Variants in NKAIN3 observed in about 807,000 individuals in gnomAD.
The protein encoded by NKAIN3 is sodium/potassium transporting ATPase interacting 3, also known as sodium/potassium-transporting ATPase subunit beta-1-interacting protein 3.
Under a neutral mutation model 30.2 loss-of-function variants are expected in NKAIN3, and 25 were observed. That is an observed-to-expected ratio of 0.83 (90% CI 0.60 to 1.16). The LOEUF (loss-of-function observed/expected upper bound fraction) is 1.16. Among genes scored for constraint, NKAIN3 ranks in the 50% most tolerant of loss-of-function variants. The pLI, the probability that NKAIN3 is intolerant of heterozygous loss-of-function variation, is 0.00. For synonymous variants in NKAIN3, 91 were observed against 89.6 expected, an observed-to-expected ratio of 1.02 and a Z score of -0.09; for missense variants, 225 against 254.1, an observed-to-expected ratio of 0.89 and a Z score of 0.78.
intron 4 of NKAIN3, among the ~76,000 whole-genome samples, chr8:62,886,166 T>A (rs1475609316): frequency 6.6e-6 from 1 of 152,136 alleles, no homozygotes; most frequent in Non-Finnish European, 1.5e-5. Context: ...TTTAACTTTT[T>A]TTTTTAGTGA....
chr8:62,817,814 C>CT (rs1818730937), intron 4 of NKAIN3, among the ~76,000 whole-genome samples: 1 of 152,122 alleles, frequency 6.6e-6, no homozygotes, highest in African/African-American at 2.4e-5. Flanking sequence ...AAGATTAAAA[C>CT]TTTCACAGCC....
At chr8:62,648,817 G>C (rs932599018) in intron 3 of NKAIN3, among the ~76,000 whole-genome samples, 1 of 152,124 alleles carries the variant, frequency 6.6e-6, no homozygotes, top group South Asian at 2.1e-4. Context: ...CAAGGTGCTG[G>C]GGCTTCTTAT....
intron 5 of NKAIN3, among the ~76,000 whole-genome samples, chr8:62,929,717 T>A (rs1444205009): frequency 6.6e-6 from 1 of 152,138 alleles, no homozygotes; most frequent in Non-Finnish European, 1.5e-5. Context: ...AAACTGTGGT[T>A]TTTTGTTTTT....
At chr8:62,470,765 G>A (rs1806307619) in intron 1 of NKAIN3, among the ~76,000 whole-genome samples, 1 of 151,866 alleles carries the variant, frequency 6.6e-6, no homozygotes, top group Admixed American at 6.6e-5. Context: ...GAAGCAAGCA[G>A]AAAGCCTACT....
chr8:62,250,643 A>T (rs1241453960), intron 1 of NKAIN3, among the ~76,000 whole-genome samples: 1 of 152,174 alleles, frequency 6.6e-6, no homozygotes, highest in East Asian at 1.9e-4. Flanking sequence ...TCTATTTTAC[A>T]TGGAAATAAC....
intron 1 of NKAIN3, among the ~76,000 whole-genome samples, chr8:62,289,927 G>C (rs1813528397): frequency 6.6e-6 from 1 of 152,120 alleles, no homozygotes; most frequent in Non-Finnish European, 1.5e-5. Flanking sequence ...TTGAGCAGTG[G>C]TTTATAGTTC....
rs546448698 is a variant in NKAIN3, at chr8:62,504,455, T to TAATC, written c.55-75082_55-75079dup. Among the ~76,000 whole-genome samples, 22 of 152,310 alleles carry TAATC rather than the reference T, an allele frequency of 1.4e-4. No homozygotes were observed. In the South Asian group the frequency reaches 3.7e-3, roughly 26 times the overall value. ...TTCCTTTAATCATATCATCATCCCATAATCATTTCCTCTTCCTTCTATCCC... is the reference window on the plus strand; with the variant it reads ...TTCCTTTAATCATATCATCATCCCATAATCAATCATTTCCTCTTCCTTCTATCCC... On this transcript the variant is annotated intron_variant, in intron 1 of 6. Transcript: ENST00000623646.
intron 4 of NKAIN3, among the ~76,000 whole-genome samples, chr8:62,870,291 GAT>G (rs1820584018): frequency 3.1e-5 from 1 of 32,304 alleles, no homozygotes; most frequent in Non-Finnish European, 6.3e-5. Flanking sequence ...AATATCTATA[GAT>G]ATATATACAT....
chr8:62,304,438 A>G lies in NKAIN3; in HGVS notation c.54+55311A>G, dbSNP rs1028241085. On this transcript the variant is annotated intron_variant, in intron 1 of 6. Transcript: ENST00000623646. ...TTTCCCCCTTTTAGTATGATTTGTAATCAGCACAAAATTATTATAGACATT... is the reference window on the plus strand; with the variant it reads ...TTTCCCCCTTTTAGTATGATTTGTAGTCAGCACAAAATTATTATAGACATT... 1.3e-5 allele frequency among the ~76,000 whole-genome samples: 2 copies of G among 150,462 alleles called. 1 individual carries two copies. The highest frequency in any genetic ancestry group is 2.9e-5 in the Non-Finnish European group (2 of 67,988).
intron 4 of NKAIN3, among the ~76,000 whole-genome samples, chr8:62,869,742 T>C (rs1586290795): frequency 6.6e-6 from 1 of 151,954 alleles, no homozygotes. Context: ...CAGCCCCGTT[T>C]TTTTTCCTTT....
intron 4 of NKAIN3, among the ~76,000 whole-genome samples, chr8:62,880,600 T>TA (rs746868638): frequency 2.5e-4 from 38 of 152,216 alleles, no homozygotes; most frequent in East Asian, 2.3e-3. Flanking sequence ...CTTTTTCCCT[T>TA]AAAAAAATGG....
chr8:62,359,176 C>T (rs920187882), intron 1 of NKAIN3, among the ~76,000 whole-genome samples: 3 of 152,142 alleles, frequency 2.0e-5, no homozygotes, highest in East Asian at 3.9e-4. Context: ...AGCGAGACTC[C>T]GTATCAAAAT....
At chr8:62,312,825 A>AAAG (rs763776938) in intron 1 of NKAIN3, among the ~76,000 whole-genome samples, 3 of 145,890 alleles carry the variant, frequency 2.1e-5, no homozygotes, top group Non-Finnish European at 4.5e-5. Context: ...CCTTGTCTCA[A>AAAG]AAAAAAAAAA....
chr8:62,851,325 G>A (rs1281174318), intron 4 of NKAIN3, among the ~76,000 whole-genome samples: 2 of 152,142 alleles, frequency 1.3e-5, no homozygotes, highest in African/African-American at 4.8e-5. Context: ...AGACTTTGCT[G>A]AAGTTGCCTA....
At chr8:62,684,085 T>G (rs1813724827) in intron 3 of NKAIN3, among the ~76,000 whole-genome samples, 1 of 152,148 alleles carries the variant, frequency 6.6e-6, no homozygotes, top group Non-Finnish European at 1.5e-5. Context: ...TCATCAGACA[T>G]CCACTATCAA....
chr8:62,556,211 T>C (rs1253689051), intron 1 of NKAIN3, among the ~76,000 whole-genome samples: 3 of 152,044 alleles, frequency 2.0e-5, no homozygotes, highest in African/African-American at 7.2e-5. Flanking sequence ...AATACCTATT[T>C]GGGGAATTAT....
At chr8:62,529,953 A>G (rs1396150646) in intron 1 of NKAIN3, among the ~76,000 whole-genome samples, 1 of 152,178 alleles carries the variant, frequency 6.6e-6, no homozygotes, top group African/African-American at 2.4e-5. Context: ...GGCACCATCC[A>G]GTTGAGATTT....
intron 1 of NKAIN3, among the ~76,000 whole-genome samples, chr8:62,532,309 G>A (rs1808512115): frequency 6.6e-6 from 1 of 152,104 alleles, no homozygotes; most frequent in Non-Finnish European, 1.5e-5. Flanking sequence ...ACTCATCTAT[G>A]CCAGGGCTAT....
At chr8:62,459,859 A>G (rs1325034128) in intron 1 of NKAIN3, among the ~76,000 whole-genome samples, 1 of 152,184 alleles carries the variant, frequency 6.6e-6, no homozygotes, top group Non-Finnish European at 1.5e-5. Flanking sequence ...GGTGAAGAAA[A>G]TATCATGTGG....
Sources: gnomAD v4.1 joint callset for allele counts (sites outside exome capture counted in the v4.1 genomes callset) on GRCh38, gnomAD v4.1.1 for gene constraint, MANE v1.5 for transcripts, NCBI Gene and HGNC (gene_info 2026-07-23, HGNC 2026-07-21) for gene names.